Variants in CENPF observed in about 807,000 individuals in gnomAD.
The protein encoded by CENPF is centromere protein F.
CENPF carries 214 observed loss-of-function variants against 307.3 expected under a neutral mutation model. That is an observed-to-expected ratio of 0.70 (90% CI 0.62 to 0.78). The LOEUF is 0.78. Among genes scored for constraint, CENPF ranks in the 30% least tolerant of loss-of-function variants. The pLI is 0.00. For missense variants in CENPF, 3,401 were observed against 3,483.9 expected (o/e 0.98, Z 0.60); for synonymous variants, 1,259 against 1,270.6 (o/e 0.99, Z 0.19).
intron 13 of CENPF, chr1:214,647,832 A>T (rs1658354979): frequency 3.1e-6 from 1 of 322,878 alleles, no homozygotes; most frequent in Admixed American, 3.8e-5. Context: ...TTTTGCCTTC[A>T]GGACAAAGCA....
chr1:214,621,793 C>T (rs1657512658), intron 6 of CENPF, among the ~76,000 whole-genome samples: 1 of 152,188 alleles, frequency 6.6e-6, no homozygotes, highest in South Asian at 2.1e-4. Flanking sequence ...TTTTCACAGT[C>T]TCAATAAGAA....
intron 16 of CENPF, 53 bp from the exon 17 acceptor site, chr1:214,655,188 A>AT: frequency 8.5e-7 from 1 of 1,172,344 alleles, no homozygotes; most frequent in Non-Finnish European, 1.2e-6. Flanking sequence ...ATTTTTCCAT[A>AT]TGCTTATAAA....
At position 214,645,132 on chromosome 1, in the gene CENPF, G is replaced by A; in HGVS notation, c.5562G>A (p.Gln1854=). 2 of 1,613,590 alleles carry A rather than the reference G, an allele frequency of 1.2e-6. No homozygotes were observed. Among genetic ancestry groups the A allele is most frequent in the Non-Finnish European group, 1.7e-6 (2 of 1,179,874 alleles). Residue 1854 remains glutamine, a synonymous_variant, in exon 13 of 20, where the codon CAG becomes CAA. Coordinates refer to ENST00000366955, the MANE Select transcript of CENPF (RefSeq NM_016343.4). ...TGGAATATTTTTCTTGTGATCACCA[G>A]GAGTTACTCCAGAGAGTAGAAACTT... ...EKLEYFSCDH[Q]ELLQRVETSE... is the part of the protein sequence containing the mutation.
At chr1:214,647,962 ATTAG>A (rs1188328824) in intron 13 of CENPF, 1 of 503,424 alleles carries the variant, frequency 2.0e-6, no homozygotes, top group Admixed American at 2.0e-5. Context: ...CTTCTATTGT[ATTAG>A]TTGATGATTA....
Position 214,650,027 on chromosome 1 carries a change from G to A in CENPF, c.7983+1200G>A, listed in dbSNP as rs535480066. 7.2e-5 allele frequency among the ~76,000 whole-genome samples: 11 copies of A among 152,254 alleles called. No individual in the cohort carries two copies. The South Asian group carries it at 8.3e-4, about 11-fold the overall frequency. The stretch of plus-strand genomic sequence containing the variant: ...AATAGGCAACATGTAACAAATAAGC[G>A]GATAAATACTATAAAGGAAACAAAT... On this transcript the variant is annotated intron_variant, in intron 14 of 19. Transcript: ENST00000366955.
chr1:214,614,807 T>C (rs773254096), intron 2 of CENPF, 25 bp from the exon 3 acceptor site: 6 of 1,476,450 alleles, frequency 4.1e-6, no homozygotes, highest in Non-Finnish European at 5.5e-6. Context: ...AAGGGAGTTA[T>C]TGTCTTCTGA....
rs1658157775 is a variant in CENPF, at chr1:214,642,610, G to A, written c.4272G>A (p.Gln1424=). 1.2e-6 allele frequency: 2 copies of A among 1,612,650 alleles called. No homozygotes were observed. The highest frequency in any genetic ancestry group is 2.2e-5 in the South Asian group (2 of 90,898). ...LQSEHKILHD[Q]HCQMSSKMSE... is the part of the protein sequence containing the mutation. ...GTGAACACAAAATTTTACATGATCA[G>A]CACTGTCAGATGAGCTCTAAAATGT... Residue 1424 remains glutamine, a synonymous_variant, in exon 12 of 20, where the codon CAG becomes CAA. Transcript: ENST00000366955.
At chr1:214,655,578 A>G (rs990977526) in intron 17 of CENPF, among the ~76,000 whole-genome samples, 175 bp downstream of exon 17, 1 of 152,134 alleles carries the variant, frequency 6.6e-6, no homozygotes, top group African/African-American at 2.4e-5. Context: ...TGGGATCATT[A>G]TAGGACTCAG....
At chr1:214,658,478 A>G (rs1658703988) in intron 18 of CENPF, among the ~76,000 whole-genome samples, 1 of 148,162 alleles carries the variant, frequency 6.7e-6, no homozygotes, top group Non-Finnish European at 1.5e-5. Flanking sequence ...TTTCCATTAT[A>G]CCCTCCTTTT....
rs754734007 is a variant in CENPF, at chr1:214,640,165, T to C, written c.1827T>C (p.Tyr609=). Residue 609 remains tyrosine, a synonymous_variant, in exon 12 of 20, where the codon TAT becomes TAC. Transcript: ENST00000366955. ...LSALELKKKE[Y]EELKEEKTLF... The stretch of plus-strand genomic sequence containing the variant: ...CTTTAGAGTTAAAAAAGAAAGAATA[T>C]GAAGAATTGAAAGAAGAGAAAACTC... 1.3e-6 allele frequency: 2 copies of C among 1,588,154 alleles called. No homozygotes were observed. The highest frequency in any genetic ancestry group is 1.9e-5 in the Admixed American group (1 of 52,262).
chr1:214,621,589 T>TTG (rs1268479810), intron 6 of CENPF, among the ~76,000 whole-genome samples: 2 of 152,202 alleles, frequency 1.3e-5, no homozygotes, highest in Non-Finnish European at 2.9e-5. Context: ...AAAAAAATCA[T>TTG]TGTTAATTTT....
In CENPF at chr1:214,640,082, G is replaced by T. The variant is rs367624766; in HGVS notation, c.1744G>T (p.Glu582Ter). 1.3e-4 allele frequency: 209 copies of T among 1,597,684 alleles called. No individual in the cohort carries two copies. Among genetic ancestry groups the T allele is most frequent in the Non-Finnish European group, 1.7e-4 (200 of 1,176,166 alleles). The change falls in exon 12 of 20, where the codon GAA (glutamate) becomes TAA (stop). Residue 582 changes from glutamate (E) to a stop codon, truncating the protein, a stop_gained. Coordinates refer to ENST00000366955, the MANE Select transcript of CENPF (RefSeq NM_016343.4). LOFTEE classifies it high-confidence loss of function. ...DLLKKREHHI[E>*]QLNDKLSKTE... ...TTTGAAGAAAAGAGAACATCACATT[G>T]AACAACTTAATGATAAGTTAAGCAA...
chr1:214,610,110 G>A (rs1657160727), intron 1 of CENPF, among the ~76,000 whole-genome samples: 1 of 149,834 alleles, frequency 6.7e-6, no homozygotes, highest in Admixed American at 6.7e-5. Context: ...CACCTGCCTT[G>A]GCCTCCCAAA....
In CENPF at chr1:214,620,847, C is replaced by A. The variant is rs377444877; in HGVS notation, c.766C>A (p.Arg256=). Residue 256 remains arginine, a synonymous_variant, in exon 6 of 20, where the codon CGA becomes AGA. Coordinates refer to ENST00000366955, the MANE Select transcript of CENPF (RefSeq NM_016343.4). ...TGGGGAACAAGAGGTGACTCCAAGTCGATCAACTTTGCAAATAGGGAAAAG... is the reference window on the plus strand; with the variant it reads ...TGGGGAACAAGAGGTGACTCCAAGTAGATCAACTTTGCAAATAGGGAAAAG... ...FSGEQEVTPS[R]STLQIGKRDA... 2.0e-4 allele frequency: 315 copies of A among 1,614,012 alleles called. 2 individuals carry two copies. The highest frequency in any genetic ancestry group is 2.4e-4 in the Non-Finnish European group (278 of 1,180,016).
chr1:214,638,770 C>T (rs1658027880), intron 11 of CENPF, among the ~76,000 whole-genome samples: 1 of 152,178 alleles, frequency 6.6e-6, no homozygotes, highest in African/African-American at 2.4e-5. Context: ...CGCCACTGCA[C>T]TCCAGCCAGG....
In CENPF at chr1:214,614,663, T is replaced by C. The variant is rs1378645041; in HGVS notation, c.163-169T>C. Among the ~76,000 whole-genome samples, 4 of 152,202 alleles carry C rather than the reference T, an allele frequency of 2.6e-5. No homozygotes were observed. The East Asian group carries it at 7.7e-4, about 29-fold the overall frequency. ...TATACTACATGGCTTCAAAGAAGTT[T>C]CCTATCTATTGGCTTCAAAGTGTGA... On this transcript the variant is annotated intron_variant, in intron 2 of 19. Coordinates refer to ENST00000366955, the MANE Select transcript of CENPF (RefSeq NM_016343.4).
chr1:214,618,740 G>A, intron 4 of CENPF, 46 bp downstream of exon 4: 4 of 1,554,950 alleles, frequency 2.6e-6, no homozygotes, highest in Non-Finnish European at 3.5e-6. Context: ...TGTTTAGCTT[G>A]AGATTTTAAT....
chr1:214,611,764 G>T (rs965614159), intron 1 of CENPF, among the ~76,000 whole-genome samples: 3 of 152,172 alleles, frequency 2.0e-5, no homozygotes, highest in African/African-American at 4.8e-5. Context: ...TTGCATTTTT[G>T]ATTTGGATCT....
chr1:214,646,341 A>G lies in CENPF; in HGVS notation c.6771A>G (p.Ala2257=). ...AGATCAAAGAAGAATCTAAAACTGCAGTGGAGATGCTTCAGAATCAGTTAA... is the reference window on the plus strand; with the variant it reads ...AGATCAAAGAAGAATCTAAAACTGCGGTGGAGATGCTTCAGAATCAGTTAA... ...EIQIKEESKT[A]VEMLQNQLKE... The change falls in exon 13 of 20, where the codon GCA becomes GCG. Residue 2257 remains alanine (A), a synonymous_variant. Transcript: ENST00000366955. 1.9e-6 allele frequency: 3 copies of G among 1,614,038 alleles called. No homozygotes were observed. The South Asian group carries it at 3.3e-5, about 18-fold the overall frequency.
Sources: gnomAD v4.1 joint callset for allele counts (sites outside exome capture counted in the v4.1 genomes callset) on GRCh38, gnomAD v4.1.1 for gene constraint, MANE v1.5 for transcripts, NCBI Gene and HGNC (gene_info 2026-07-23, HGNC 2026-07-21) for gene names.